The following CRTC3 variants were observed in gnomAD, a reference collection of about 807,000 sequenced individuals.
The protein encoded by CRTC3 is CREB-regulated transcription coactivator 3.
CRTC3 carries 26 observed loss-of-function variants against 74.5 expected under a neutral mutation model. The observed-to-expected ratio is 0.35, with a 90% CI of 0.26 to 0.48. The LOEUF is 0.48. Ranked by LOEUF, CRTC3 falls within the 20% of genes least tolerant of loss-of-function variation. CRTC3 has a pLI of 0.99. For missense variants in CRTC3, 760 were observed against 787.3 expected (o/e 0.97, Z 0.41); for synonymous variants, 377 against 325.8 (o/e 1.16, Z -1.69).
At chr15:90,601,153 G>A (rs973609488) in intron 3 of CRTC3, among the ~76,000 whole-genome samples, 33 of 152,112 alleles carry the variant, frequency 2.2e-4, no homozygotes, top group Non-Finnish European at 4.6e-4. Flanking sequence ...TATTGTGTGG[G>A]AACAATTAAC....
At chr15:90,549,546 C>T (rs1013012981) in intron 2 of CRTC3, among the ~76,000 whole-genome samples, 5 of 152,020 alleles carry the variant, frequency 3.3e-5, no homozygotes, top group African/African-American at 4.8e-5. Context: ...GAGGCCGAGG[C>T]GGGCAGATTG....
At position 90,532,037 on chromosome 15, in the gene CRTC3, G is replaced by A. The variant is rs1966635684; in HGVS notation, c.132+1834G>A. Among the ~76,000 whole-genome samples, 9 of 152,204 alleles carry A rather than the reference G, an allele frequency of 5.9e-5. No homozygotes were observed. The South Asian group carries it at 1.9e-3, about 32-fold the overall frequency. ...TTGAATTTAGCAAGCCTAATCAACT[G>A]TGGCCCATATGATAATTCAGTCACC... On this transcript the variant is annotated intron_variant, in intron 1 of 14. Coordinates refer to ENST00000268184, the MANE Select transcript of CRTC3 (RefSeq NM_022769.5).
intron 5 of CRTC3, among the ~76,000 whole-genome samples, chr15:90,604,821 T>C (rs887761614): frequency 1.3e-5 from 2 of 152,188 alleles, no homozygotes; most frequent in Non-Finnish European, 2.9e-5. Context: ...CATGATCACT[T>C]TGGGCCAGAC....
intron 6 of CRTC3, among the ~76,000 whole-genome samples, chr15:90,608,835 G>C (rs1968293220): frequency 6.6e-6 from 1 of 152,166 alleles, no homozygotes; most frequent in Non-Finnish European, 1.5e-5. Context: ...ATGAAGTGAG[G>C]CTGGTCATTC....
intron 6 of CRTC3, among the ~76,000 whole-genome samples, chr15:90,613,193 A>AGG (rs1291013501): frequency 2.6e-5 from 4 of 151,668 alleles, no homozygotes; most frequent in African/African-American, 7.3e-5. Context: ...GGGAAAAAAA[A>AGG]AAAAAAAAAA....
intron 2 of CRTC3, among the ~76,000 whole-genome samples, chr15:90,547,132 ATATATT>A (rs1309609172): frequency 6.6e-6 from 1 of 152,188 alleles, no homozygotes; most frequent in African/African-American, 2.4e-5. Flanking sequence ...ACAAAATTGT[ATATATT>A]TATGGTATAC....
At chr15:90,557,678 C>T (rs1966923150) in intron 2 of CRTC3, among the ~76,000 whole-genome samples, 1 of 152,110 alleles carries the variant, frequency 6.6e-6, no homozygotes, top group Non-Finnish European at 1.5e-5. Flanking sequence ...AGCCTTTTCC[C>T]CTGGGTCTCC....
chr15:90,635,903 AAG>A (rs1969216975), intron 11 of CRTC3, among the ~76,000 whole-genome samples: 1 of 152,132 alleles, frequency 6.6e-6, no homozygotes, highest in Admixed American at 6.5e-5. Flanking sequence ...AATGAAATAA[AAG>A]AGGATACAAA....
intron 1 of CRTC3, among the ~76,000 whole-genome samples, chr15:90,531,787 T>C (rs987964556): frequency 2.0e-5 from 3 of 152,202 alleles, no homozygotes; most frequent in South Asian, 2.1e-4. Context: ...ACATTGTTTA[T>C]GTACAAATAC....
Position 90,638,489 on chromosome 15 carries a change from A to C in CRTC3, c.1310A>C (p.Glu437Ala), listed in dbSNP as rs142366939. 6.2e-6 allele frequency: 10 copies of C among 1,613,936 alleles called. No individual in the cohort carries two copies. The highest frequency in any genetic ancestry group is 8.5e-6 in the Non-Finnish European group (10 of 1,180,022). The change falls in exon 12 of 15, where the codon GAA (glutamate) becomes GCA (alanine). Residue 437 changes from glutamate to alanine, a missense_variant. Glu to Ala is a moderately radical substitution (Grantham distance 107). Around this residue, in one of 2 missense-constraint regions of CRTC3, gnomAD observed 652 missense variants for 635.2 expected, o/e 1.03. Transcript: ENST00000268184. ...AGCCAACTTTCCTTTCTGCCCACAG[A>C]AGCTCAAGCCCAGGTGTCGCCGCCA... ...DRSQLSFLPT[E>A]AQAQVSPPPP... is the part of the protein sequence containing the mutation.
chr15:90,546,598 A>G (rs1392597546), intron 2 of CRTC3, among the ~76,000 whole-genome samples: 1 of 152,092 alleles, frequency 6.6e-6, no homozygotes, highest in Non-Finnish European at 1.5e-5. Context: ...CAGCTTGTTA[A>G]TGTCTATAAA....
At chr15:90,637,293 C>T (rs1596150991) in intron 11 of CRTC3, among the ~76,000 whole-genome samples, 1 of 152,136 alleles carries the variant, frequency 6.6e-6, no homozygotes, top group South Asian at 2.1e-4. Context: ...TCTCAGCAAA[C>T]TGTCGCAAGG....
intron 13 of CRTC3, among the ~76,000 whole-genome samples, 172 bp downstream of exon 13, chr15:90,638,987 T>A (rs569486390): frequency 1.3e-5 from 2 of 152,330 alleles, no homozygotes; most frequent in East Asian, 3.9e-4. Context: ...ATGCTTTCTC[T>A]GGCTGCCTTA....
At position 90,641,970 on chromosome 15, in the gene CRTC3, G is replaced by A; in HGVS notation, c.1690G>A (p.Ala564Thr). Reference sequence around the variant, plus strand: ...CAGCCTGTTCAAAGACCTCAACAGTGCGCTGGCAGGCCTGCCTGAGGTCAG... The same window carrying A: ...CAGCCTGTTCAAAGACCTCAACAGTACGCTGGCAGGCCTGCCTGAGGTCAG... ...STSLFKDLNSALAGLPEVSLN... is the reference protein window; with the variant it reads ...STSLFKDLNSTLAGLPEVSLN... The change falls in exon 15 of 15, where the codon GCG (alanine) becomes ACG (threonine). Residue 564 changes from alanine to threonine, a missense_variant. Around this residue, in one of 2 missense-constraint regions of CRTC3, gnomAD observed 652 missense variants for 635.2 expected, o/e 1.03. Transcript: ENST00000268184. 1 of 1,613,730 alleles carries A rather than the reference G, an allele frequency of 6.2e-7. No homozygotes were observed. The highest frequency in any genetic ancestry group is 8.5e-7 in the Non-Finnish European group (1 of 1,179,900).
chr15:90,600,181 G>A (rs886085245), intron 3 of CRTC3: 4 of 152,194 alleles, frequency 2.6e-5, no homozygotes, highest in Non-Finnish European at 4.4e-5. Flanking sequence ...ATAAGATAAT[G>A]AGACTTGTCA....
In CRTC3 at chr15:90,553,377, G is replaced by A. The variant is rs1009579499; in HGVS notation, c.231+13240G>A. Among the ~76,000 whole-genome samples the A allele has an allele frequency of 3.3e-5, 5 of 152,314 alleles. No homozygotes were observed. In the East Asian group the frequency reaches 9.6e-4, roughly 29 times the overall value. ...CAGAGAGTTAGGGGGTTACTTAATAGTTTTGGAATGTGCATCTGTCCCGAA... is the reference window on the plus strand; with the variant it reads ...CAGAGAGTTAGGGGGTTACTTAATAATTTTGGAATGTGCATCTGTCCCGAA... On this transcript the variant is annotated intron_variant, in intron 2 of 14. Transcript: ENST00000268184.
At chr15:90,577,335 T>C (rs1967430626) in intron 2 of CRTC3, among the ~76,000 whole-genome samples, 1 of 152,100 alleles carries the variant, frequency 6.6e-6, no homozygotes, top group Admixed American at 6.5e-5. Flanking sequence ...ATATAAGGGG[T>C]TGGAGAAGTT....
At chr15:90,623,358 G>T (rs1248772751) in intron 9 of CRTC3, among the ~76,000 whole-genome samples, 1 of 151,752 alleles carries the variant, frequency 6.6e-6, no homozygotes, top group Admixed American at 6.6e-5. Context: ...AAATATCCCT[G>T]CTGCATGTCT....
chr15:90,603,210 A>G (rs537250163), intron 4 of CRTC3, among the ~76,000 whole-genome samples: 152 of 151,688 alleles, frequency 1.0e-3, no homozygotes, highest in East Asian at 2.4e-3. Context: ...TTGGGAGGCC[A>G]AGGCGGGCAG....
Sources: allele counts gnomAD v4.1 joint callset (sites outside exome capture counted in the v4.1 genomes callset), GRCh38; gene constraint gnomAD v4.1.1; regional missense constraint gnomAD v4.1.1; transcripts MANE v1.5; gene names NCBI Gene and HGNC (gene_info 2026-07-23, HGNC 2026-07-21).